The following STXBP5L variants were observed in gnomAD, a reference collection of about 807,000 sequenced individuals.
STXBP5L encodes the protein syntaxin binding protein 5L, also known as syntaxin-binding protein 5-like.
STXBP5L carries 65 observed loss-of-function variants against 144.5 expected under a neutral mutation model. The observed-to-expected ratio is 0.45, with a 90% CI of 0.37 to 0.55. The LOEUF (loss-of-function observed/expected upper bound fraction) is 0.55, where lower values mean the gene tolerates loss of function less well. Among genes scored for constraint, STXBP5L ranks in the 20% least tolerant of loss-of-function variants. The probability of loss-of-function intolerance (pLI) is 0.00; values close to 1 mark genes in which losing one functional copy is unlikely to be tolerated. For missense variants in STXBP5L, 1,298 were observed against 1,405.5 expected (o/e 0.92, Z 1.22); for synonymous variants, 505 against 469.6 (o/e 1.08, Z -0.97).
At chr3:121,375,580 A>G (rs1442471676) in intron 20 of STXBP5L, among the ~76,000 whole-genome samples, 1 of 152,194 alleles carries the variant, frequency 6.6e-6, no homozygotes, top group Non-Finnish European at 1.5e-5. Context: ...CCTACATTGC[A>G]GGATTGTTGT....
chr3:121,385,959 ATAT>A (rs2046417646), intron 22 of STXBP5L, among the ~76,000 whole-genome samples: 1 of 152,166 alleles, frequency 6.6e-6, no homozygotes, highest in Non-Finnish European at 1.5e-5. Flanking sequence ...AATTAGAATG[ATAT>A]TATTTTTAAT....
intron 20 of STXBP5L, among the ~76,000 whole-genome samples, chr3:121,364,114 G>T (rs1238219088): frequency 6.6e-6 from 1 of 152,102 alleles, no homozygotes; most frequent in South Asian, 2.1e-4. Context: ...GTTACCAAAT[G>T]TAATGTCATT....
chr3:121,140,373 A>G lies in STXBP5L; in HGVS notation c.670-12104A>G, dbSNP rs559288954. Among the ~76,000 whole-genome samples the G allele has an allele frequency of 1.6e-4, 25 of 152,318 alleles. No individual in the cohort carries two copies. The South Asian group carries it at 2.9e-3, about 18-fold the overall frequency. On this transcript the variant is annotated intron_variant, in intron 7 of 26. Transcript: ENST00000471454. ...TAGAAATACCATATGTGATCCAGCA[A>G]TACCACTACTTGGTATATAACTAAA...
rs1312131179 is a variant in STXBP5L, at chr3:121,307,772, G to A, written c.2111-10703G>A. ...GGAGAAAAATATTTGAAGAAATAAT[G>A]ACTGAAAACTTCCCAAATTTTATGA... On this transcript the variant is annotated intron_variant, in intron 19 of 26. Coordinates refer to ENST00000471454, the MANE Select transcript of STXBP5L (RefSeq NM_001308330.2). Among the ~76,000 whole-genome samples the A allele has an allele frequency of 2.6e-5, 4 of 151,998 alleles. No individual in the cohort carries two copies. The East Asian group carries it at 7.7e-4, about 29-fold the overall frequency.
intron 20 of STXBP5L, among the ~76,000 whole-genome samples, chr3:121,369,068 C>T (rs1413311468): frequency 1.3e-5 from 2 of 152,112 alleles, no homozygotes; most frequent in African/African-American, 4.8e-5. Flanking sequence ...GTTGGTCCAC[C>T]CTGTCTCCTG....
intron 7 of STXBP5L, among the ~76,000 whole-genome samples, chr3:121,135,128 G>T (rs1427082172): frequency 6.6e-6 from 1 of 152,118 alleles, no homozygotes; most frequent in Non-Finnish European, 1.5e-5. Flanking sequence ...TCTCATTGTG[G>T]TTTTGATTTG....
At chr3:121,195,934 A>T (rs1312978232) in intron 9 of STXBP5L, among the ~76,000 whole-genome samples, 1 of 152,142 alleles carries the variant, frequency 6.6e-6, no homozygotes, top group Non-Finnish European at 1.5e-5. Flanking sequence ...TTTTAGTTTG[A>T]TTCAGTCCCA....
chr3:121,243,357 C>G (rs1312217561), intron 14 of STXBP5L, among the ~76,000 whole-genome samples: 1 of 152,134 alleles, frequency 6.6e-6, no homozygotes, highest in Non-Finnish European at 1.5e-5. Flanking sequence ...ATTACATGCA[C>G]AAGCCCAGAG....
intron 5 of STXBP5L, among the ~76,000 whole-genome samples, chr3:121,105,180 G>A (rs940473092): frequency 6.6e-6 from 1 of 152,030 alleles, no homozygotes; most frequent in Non-Finnish European, 1.5e-5. Context: ...GGTGTATCAC[G>A]AGGTCAAGAG....
At chr3:121,164,882 G>T (rs2046446923) in intron 9 of STXBP5L, among the ~76,000 whole-genome samples, 1 of 152,150 alleles carries the variant, frequency 6.6e-6, no homozygotes, top group South Asian at 2.1e-4. Flanking sequence ...AGGGGCAGGA[G>T]AGCCTGGGGG....
At chr3:121,267,852 A>G (rs2050620109) in intron 18 of STXBP5L, among the ~76,000 whole-genome samples, 1 of 152,226 alleles carries the variant, frequency 6.6e-6, no homozygotes, top group South Asian at 2.1e-4. Flanking sequence ...TAAAATCACA[A>G]TGAGATATTA....
chr3:121,384,158 A>G (rs1029780778), intron 22 of STXBP5L, among the ~76,000 whole-genome samples: 8 of 152,170 alleles, frequency 5.3e-5, no homozygotes, highest in Admixed American at 2.0e-4. Context: ...CTGGGGATAC[A>G]GTGGTCCCTG....
intron 3 of STXBP5L, among the ~76,000 whole-genome samples, chr3:120,958,855 T>C (rs2107722014): frequency 6.6e-6 from 1 of 152,322 alleles, no homozygotes; most frequent in African/African-American, 2.4e-5. Flanking sequence ...AAGACAGGGA[T>C]GCCCTCTCTC....
intron 10 of STXBP5L, among the ~76,000 whole-genome samples, chr3:121,214,159 C>A (rs183386862): frequency 8.5e-4 from 129 of 152,200 alleles, no homozygotes; most frequent in Middle Eastern, 3.4e-3. Flanking sequence ...AAAACCCGCA[C>A]CTGGATTCAT....
intron 14 of STXBP5L, among the ~76,000 whole-genome samples, chr3:121,245,626 T>C (rs1364329976): frequency 6.6e-6 from 1 of 152,068 alleles, no homozygotes; most frequent in African/African-American, 2.4e-5. Flanking sequence ...ATGCAAATTG[T>C]AACCAAAAGA....
At chr3:121,258,757 A>G (rs968251535) in intron 17 of STXBP5L, among the ~76,000 whole-genome samples, 16 of 152,168 alleles carry the variant, frequency 1.1e-4, no homozygotes, top group African/African-American at 3.9e-4. Flanking sequence ...AAATAATTAC[A>G]TAATAAAAAT....
intron 22 of STXBP5L, among the ~76,000 whole-genome samples, chr3:121,397,088 C>G (rs1223468221): frequency 2.0e-5 from 3 of 152,224 alleles, no homozygotes; most frequent in African/African-American, 7.2e-5. Flanking sequence ...GAATAAGAAG[C>G]TTTACCATTA....
chr3:121,350,378 G>T (rs1409737393), intron 20 of STXBP5L, among the ~76,000 whole-genome samples: 3 of 152,098 alleles, frequency 2.0e-5, no homozygotes, highest in Admixed American at 2.0e-4. Context: ...CTTTGTCTCT[G>T]GCTGCCCTTA....
At chr3:120,975,445 T>C (rs1356525933) in intron 3 of STXBP5L, among the ~76,000 whole-genome samples, 8 of 152,222 alleles carry the variant, frequency 5.3e-5, no homozygotes, top group Non-Finnish European at 1.0e-4. Context: ...GATTTTGGGC[T>C]GAGACAATGG....
Sources: gnomAD v4.1 joint callset for allele counts (sites outside exome capture counted in the v4.1 genomes callset) on GRCh38, gnomAD v4.1.1 for gene constraint, MANE v1.5 for transcripts, NCBI Gene and HGNC (gene_info 2026-07-23, HGNC 2026-07-21) for gene names.